Variants in ADAM20 observed in about 807,000 individuals in gnomAD.
The protein encoded by ADAM20 is ADAM metallopeptidase domain 20, also known as disintegrin and metalloproteinase domain-containing protein 20.
For synonymous variants in ADAM20, 305 were observed against 310.2 expected, an observed-to-expected ratio of 0.98 and a Z score of 0.18; for missense variants, 871 against 883.2, an observed-to-expected ratio of 0.99 and a Z score of 0.18.
chr14:70,555,224 T>C, the ADAM20 span, among the ~76,000 whole-genome samples: 1 of 152,330 alleles, frequency 6.6e-6, no homozygotes. Flanking sequence ...TATTGTATTT[T>C]ATACTTGAAA....
rs776917803 is a variant in ADAM20 at position 70,523,849 on chromosome 14, T to G, written c.909A>C (p.Thr303=). ...HDVAHLFIKD[T]QGMKLGVAYV... ...AGGCAACACCAAGCTTCATGCCTTG[T>G]GTGTCTTTTATGAAAAGATGTGCAA... The change falls in exon 2 of 2, where the codon ACA becomes ACC. Residue 303 remains threonine (T), a synonymous_variant. Coordinates refer to ENST00000256389, the MANE Select transcript of ADAM20 (RefSeq NM_003814.5). 2 of 1,613,972 alleles carry G rather than the reference T, an allele frequency of 1.2e-6. No homozygotes were observed. The highest frequency in any genetic ancestry group is 2.2e-5 in the South Asian group (2 of 91,068).
the ADAM20 span, chr14:70,547,612 G>C: frequency 2.5e-5 from 1 of 40,736 alleles, no homozygotes; most frequent in African/African-American, 1.0e-4. Context: ...AAGAAACGGC[G>C]CACCACGAGA....
chr14:70,574,447 T>TG, the ADAM20 span, among the ~76,000 whole-genome samples: 178 of 152,056 alleles, frequency 1.2e-3, no homozygotes, highest in African/African-American at 4.1e-3. Flanking sequence ...GAGACCATCC[T>TG]GGCTAACACG....
chr14:70,566,642 T>C, the ADAM20 span, among the ~76,000 whole-genome samples: 4 of 152,060 alleles, frequency 2.6e-5, no homozygotes, highest in African/African-American at 9.7e-5. Context: ...AGAGGAAGAA[T>C]CTGGCAGAGA....
the ADAM20 span, among the ~76,000 whole-genome samples, chr14:70,542,263 G>A: frequency 6.6e-6 from 1 of 152,152 alleles, no homozygotes; most frequent in Admixed American, 6.5e-5. Context: ...TGGCAATATA[G>A]TTACATATAT....
chr14:70,573,743 T>C, the ADAM20 span, among the ~76,000 whole-genome samples: 25 of 152,198 alleles, frequency 1.6e-4, no homozygotes, highest in Non-Finnish European at 2.6e-4. Context: ...GCTATTCTTA[T>C]ATCAGACAAA....
At chr14:70,526,890 T>C (rs1883601978) in intron 1 of ADAM20, among the ~76,000 whole-genome samples, 1 of 152,206 alleles carries the variant, frequency 6.6e-6, no homozygotes, top group Non-Finnish European at 1.5e-5. Flanking sequence ...AGCCTAATTT[T>C]GTGTTTCTCA....
intron 1 of ADAM20, among the ~76,000 whole-genome samples, chr14:70,526,048 A>G (rs1009903473): frequency 6.6e-6 from 1 of 152,226 alleles, no homozygotes; most frequent in Non-Finnish European, 1.5e-5. Context: ...GAGGAGCTTA[A>G]GCCTAGAGTC....
the ADAM20 span, among the ~76,000 whole-genome samples, chr14:70,542,871 G>A: frequency 6.6e-6 from 1 of 151,954 alleles, no homozygotes; most frequent in Admixed American, 6.6e-5. Context: ...CCCGGGAGGT[G>A]GAGGTTGCAG....
chr14:70,553,871 G>A, the ADAM20 span, among the ~76,000 whole-genome samples: 4 of 152,132 alleles, frequency 2.6e-5, no homozygotes, highest in African/African-American at 2.4e-5. Context: ...TTGAAGGTCT[G>A]GAACACGACA....
chr14:70,574,931 A>G, the ADAM20 span, among the ~76,000 whole-genome samples: 1 of 152,018 alleles, frequency 6.6e-6, no homozygotes, highest in African/African-American at 2.4e-5. Flanking sequence ...AAAAAAGCCA[A>G]TCACAAACAC....
intron 1 of ADAM20, among the ~76,000 whole-genome samples, chr14:70,529,677 T>A (rs1198176780): frequency 6.6e-6 from 1 of 152,108 alleles, no homozygotes; most frequent in African/African-American, 2.4e-5. Flanking sequence ...ATAAAAGATA[T>A]AAAATGGTTC....
Position 70,523,980 on chromosome 14 carries a change from A to T in ADAM20, c.778T>A (p.Trp260Arg), listed in dbSNP as rs142643502. 491 of 1,614,028 alleles carry T rather than the reference A, an allele frequency of 3.0e-4. 3 individuals carry two copies. The African/African-American group carries it at 5.6e-3, about 18-fold the overall frequency. Residue 260 changes from tryptophan to arginine, a missense_variant, in exon 2 of 2, where the codon TGG (tryptophan) becomes AGG (arginine). By Grantham distance (101) the Trp-to-Arg change is moderately radical. Transcript: ENST00000256389. ...VDVILTGIDIWTASNPLPTSG... is the reference protein window; with the variant it reads ...VDVILTGIDIRTASNPLPTSG... ...GTAGGAAGTGGATTTGATGCAGTCC[A>T]TATATCAATTCCAGTCAAAATTACA... is the stretch of plus-strand genomic sequence containing the variant.
At chr14:70,534,082 CA>C (rs59828723) in intron 1 of ADAM20, among the ~76,000 whole-genome samples, 1,037 of 54,048 alleles carry the variant, frequency 0.019, 3 homozygotes, top group African/African-American at 0.049. Context: ...GACCCTGTCT[CA>C]AAAAAAAAAA....
the ADAM20 span, among the ~76,000 whole-genome samples, chr14:70,564,021 A>G: frequency 6.6e-6 from 1 of 152,320 alleles, no homozygotes; most frequent in South Asian, 2.1e-4. Context: ...GACTTCTCCC[A>G]TGAGTGGGAA....
the ADAM20 span, among the ~76,000 whole-genome samples, chr14:70,577,273 C>A: frequency 1.3e-5 from 2 of 152,032 alleles, no homozygotes; most frequent in Non-Finnish European, 2.9e-5. Flanking sequence ...AAAATAATAT[C>A]ATGAAAAAGT....
chr14:70,561,905 T>C, the ADAM20 span, among the ~76,000 whole-genome samples: 2 of 152,250 alleles, frequency 1.3e-5, no homozygotes, highest in Non-Finnish European at 2.9e-5. Flanking sequence ...AGAGCCCTCA[T>C]GGAGAATCTC....
upstream of ADAM20, among the ~76,000 whole-genome samples, chr14:70,538,360 T>C (rs994604041): frequency 5.3e-5 from 8 of 152,312 alleles, no homozygotes; most frequent in African/African-American, 1.9e-4. Context: ...TCTCAGGGAA[T>C]TCCTGGCACA....
At chr14:70,533,552 A>G (rs1883760395) in intron 1 of ADAM20, among the ~76,000 whole-genome samples, 1 of 152,148 alleles carries the variant, frequency 6.6e-6, no homozygotes, top group African/African-American at 2.4e-5. Flanking sequence ...TTGAACAATG[A>G]GAACAAATGG....
Sources: allele counts gnomAD v4.1 joint callset (sites outside exome capture counted in the v4.1 genomes callset), GRCh38; gene constraint gnomAD v4.1.1; transcripts MANE v1.5; gene names NCBI Gene and HGNC (gene_info 2026-07-23, HGNC 2026-07-21).